Variants in SMARCC1 observed in about 807,000 individuals in gnomAD.
SMARCC1 encodes the protein SWI/SNF complex subunit SMARCC1.
Under a neutral mutation model 147.4 loss-of-function variants are expected in SMARCC1, and 43 were observed. The ratio of observed to expected loss-of-function variants is 0.29; its 90% CI spans 0.23 to 0.38. The LOEUF is 0.38. Ranked by LOEUF, SMARCC1 falls within the 10% of genes least tolerant of loss-of-function variation. The probability of loss-of-function intolerance (pLI) is 1.00; values close to 1 mark genes in which losing one functional copy is unlikely to be tolerated. For missense variants in SMARCC1, 1,119 were observed against 1,381.1 expected (o/e 0.81, Z 3.01); for synonymous variants, 495 against 484.4 (o/e 1.02, Z -0.29).
At chr3:47,622,662 T>G (rs1283859203) in intron 24 of SMARCC1, among the ~76,000 whole-genome samples, 1 of 152,098 alleles carries the variant, frequency 6.6e-6, no homozygotes, top group Non-Finnish European at 1.5e-5. Flanking sequence ...CACCCCATCC[T>G]GGCACTCGGT....
At position 47,676,764 on chromosome 3, in the gene SMARCC1, C is replaced by T. The variant is rs1036275052; in HGVS notation, c.1590G>A (p.Glu530=). 1 of 1,613,368 alleles carries T rather than the reference C, an allele frequency of 6.2e-7. No individual in the cohort carries two copies. The highest frequency in any genetic ancestry group is 1.3e-5 in the African/African-American group (1 of 74,866). The part of the protein sequence containing the change: ...CAVMRVHAFL[E]QWGLVNYQVD... Reference sequence around the variant, plus strand: ...CTTGGTAATTAACGAGTCCCCACTGCTCTAAAAAGGCATGGACCCTAAAGA... The same window carrying T: ...CTTGGTAATTAACGAGTCCCCACTGTTCTAAAAAGGCATGGACCCTAAAGA... The change falls in exon 17 of 28, where the codon GAG becomes GAA. Residue 530 remains glutamate, a synonymous_variant. Coordinates refer to ENST00000254480, the MANE Select transcript of SMARCC1 (RefSeq NM_003074.4).
rs993704108 is a variant in SMARCC1, at chr3:47,677,724, G to A, written c.1571+474C>T. On this transcript the variant is annotated intron_variant, in intron 16 of 27. Transcript: ENST00000254480. Reference sequence around the variant, plus strand: ...CGCTTGGCTAATTTTTATATTTTTAGTAAAGATGGGGTTTCGCCATGTTGG... The same window carrying A: ...CGCTTGGCTAATTTTTATATTTTTAATAAAGATGGGGTTTCGCCATGTTGG... 4.0e-5 allele frequency among the ~76,000 whole-genome samples: 6 copies of A among 151,838 alleles called. No individual in the cohort carries two copies. In the East Asian group the frequency reaches 9.7e-4, roughly 25 times the overall value.
At chr3:47,740,999 C>T (rs2034503594) in intron 3 of SMARCC1, among the ~76,000 whole-genome samples, 1 of 152,030 alleles carries the variant, frequency 6.6e-6, no homozygotes. Context: ...TGTATACCTC[C>T]AGATAGAAGA....
chr3:47,765,813 A>G (rs1405814145), intron 2 of SMARCC1, among the ~76,000 whole-genome samples: 1 of 151,780 alleles, frequency 6.6e-6, no homozygotes, highest in African/African-American at 2.4e-5. Context: ...GCTCACTGCA[A>G]CCTCCGCCTC....
rs1001206507 is a variant in SMARCC1 at position 47,737,905 on chromosome 3, G to A, written c.483+124C>T. 27 of 446,756 alleles carry A rather than the reference G, an allele frequency of 6.0e-5. 1 individual carries two copies. Among genetic ancestry groups the A allele is most frequent in the South Asian group, 4.2e-4 (15 of 35,634 alleles). 27.7% of individuals were successfully genotyped at this position (446,756 alleles called of 1,614,324 possible). A position where few individuals can be genotyped will look rare whatever the true frequency, so the allele number is the denominator to read the frequency against. ...TCTCGATCTCCTGACCTCGTGATCC[G>A]CCTTGCCTCGGCCTCCCAAAGTGCT... On this transcript the variant is annotated intron_variant, in intron 4 of 27. Coordinates refer to ENST00000254480, the MANE Select transcript of SMARCC1 (RefSeq NM_003074.4).
chr3:47,720,532 A>G, intron 7 of SMARCC1, 134 bp downstream of exon 7: 1 of 666,316 alleles, frequency 1.5e-6, no homozygotes, highest in Non-Finnish European at 2.6e-6. Context: ...CAGTCAATAA[A>G]AGACTCCATA....
intron 26 of SMARCC1, among the ~76,000 whole-genome samples, chr3:47,600,998 TGAGAGAGAGAGAGAGAGAGAGAGAGAGA>T (rs66582985): frequency 2.3e-5 from 2 of 85,200 alleles, no homozygotes; most frequent in East Asian, 3.5e-4. Context: ...AGGAAGAAAA[TGAGAGAGAGAGAGAGAGAGAGAGAGAGA>T]GAGAGAGAGA....
Position 47,706,223 on chromosome 3 carries a change from C to T in SMARCC1, c.1040+186G>A, listed in dbSNP as rs114801135. Among the ~76,000 whole-genome samples, 955 of 152,076 alleles carry T rather than the reference C, an allele frequency of 6.3e-3. 12 individuals carry two copies. Among genetic ancestry groups the T allele is most frequent in the African/African-American group, 0.021 (889 of 41,492 alleles). On this transcript the variant is annotated intron_variant, in intron 10 of 27. Coordinates refer to ENST00000254480, the MANE Select transcript of SMARCC1 (RefSeq NM_003074.4). The stretch of plus-strand genomic sequence containing the variant: ...AGTAGCTGGGATGACAGGCGTGCAC[C>T]ACCGTGCCCAGCTAATTTTTATATT...
At chr3:47,661,829 CAA>C (rs2033351492) in intron 20 of SMARCC1, among the ~76,000 whole-genome samples, 1 of 152,128 alleles carries the variant, frequency 6.6e-6, no homozygotes, top group Non-Finnish European at 1.5e-5. Flanking sequence ...TATGATGTGA[CAA>C]AGTTCTAGTT....
chr3:47,750,899 ATTT>A (rs113564707), intron 2 of SMARCC1, among the ~76,000 whole-genome samples: 2 of 144,468 alleles, frequency 1.4e-5, no homozygotes, highest in Non-Finnish European at 3.1e-5. Flanking sequence ...AGACAAAGTA[ATTT>A]TTTTTTTTTT....
chr3:47,771,486 A>G (rs994989316), intron 2 of SMARCC1, among the ~76,000 whole-genome samples: 1 of 152,190 alleles, frequency 6.6e-6, no homozygotes, highest in African/African-American at 2.4e-5. Context: ...AGTGGCTCCC[A>G]CTTGTAATCC....
At chr3:47,668,886 A>T (rs2033457820) in intron 19 of SMARCC1, among the ~76,000 whole-genome samples, 2 of 139,128 alleles carry the variant, frequency 1.4e-5, no homozygotes, top group South Asian at 4.5e-4. Flanking sequence ...ACCCTGTCTT[A>T]AAAAAAAAAA....
chr3:47,732,687 G>A (rs757744119), intron 5 of SMARCC1, among the ~76,000 whole-genome samples: 1 of 152,218 alleles, frequency 6.6e-6, no homozygotes, highest in Non-Finnish European at 1.5e-5. Flanking sequence ...TGGCCAGTCA[G>A]TGAAGAAGTC....
chr3:47,637,798 A>C (rs2106705362), intron 22 of SMARCC1, among the ~76,000 whole-genome samples: 1 of 151,988 alleles, frequency 6.6e-6, no homozygotes, highest in Admixed American at 6.6e-5. Context: ...ACAGTCTCCT[A>C]CAGAAGAGAG....
intron 13 of SMARCC1, among the ~76,000 whole-genome samples, chr3:47,687,384 G>GA (rs1400772447): frequency 6.6e-6 from 1 of 152,066 alleles, no homozygotes; most frequent in Non-Finnish European, 1.5e-5. Flanking sequence ...CCCTTATTCA[G>GA]AAAAAACAGG....
At chr3:47,728,686 C>CA (rs2034330693) in intron 6 of SMARCC1, among the ~76,000 whole-genome samples, 1 of 152,068 alleles carries the variant, frequency 6.6e-6, no homozygotes, top group Non-Finnish European at 1.5e-5. Flanking sequence ...GTGGGCAGAT[C>CA]ACGAGGTGAA....
rs1440344598 is a variant in SMARCC1 at position 47,663,039 on chromosome 3, G to T, written c.1900-447C>A. Among the ~76,000 whole-genome samples the T allele has an allele frequency of 1.6e-4, 24 of 145,806 alleles. 1 individual carries two copies. The highest frequency in any genetic ancestry group is 2.5e-5 in the African/African-American group (1 of 39,468). ...TGCAGTGAGCCGAGATTGTGCCACT[G>T]CATTCCAGCCTAGGCGGCAAGAGTG... On this transcript the variant is annotated intron_variant, in intron 19 of 27. Transcript: ENST00000254480.
At chr3:47,739,525 G>T (rs529922858) in intron 3 of SMARCC1, among the ~76,000 whole-genome samples, 2 of 152,154 alleles carry the variant, frequency 1.3e-5, no homozygotes, top group South Asian at 4.1e-4. Context: ...AAAGCCAAAG[G>T]TCTCACTATG....
At chr3:47,780,745 C>T (rs1379971121) in intron 1 of SMARCC1, among the ~76,000 whole-genome samples, 1 of 151,986 alleles carries the variant, frequency 6.6e-6, no homozygotes, top group Non-Finnish European at 1.5e-5. Context: ...AGGAAAACTT[C>T]AGAGGCTGGG....
Sources: allele counts gnomAD v4.1 joint callset (sites outside exome capture counted in the v4.1 genomes callset), GRCh38; gene constraint gnomAD v4.1.1; transcripts MANE v1.5; gene names NCBI Gene and HGNC (gene_info 2026-07-23, HGNC 2026-07-21).